The following PAX7 variants were observed in gnomAD, a reference collection of about 807,000 sequenced individuals.
PAX7 encodes the protein paired box 7.
Under a neutral mutation model 50.7 loss-of-function variants are expected in PAX7, and 18 were observed. That is an observed-to-expected ratio of 0.36 (90% confidence interval 0.25 to 0.53). The LOEUF is 0.53. Among genes scored for constraint, PAX7 ranks in the 20% least tolerant of loss-of-function variants. The pLI, the probability that PAX7 is intolerant of heterozygous loss-of-function variation, is 0.93. For missense variants in PAX7, 644 were observed against 702.9 expected, an observed-to-expected ratio of 0.92 and a Z score of 0.95; for synonymous variants, 310 against 290.4, an observed-to-expected ratio of 1.07 and a Z score of -0.69.
Position 18,746,566 on chromosome 1 carries a change from G to A in PAX7, c.*1637G>A, listed in dbSNP as rs1435895600. 4.3e-6 allele frequency: 1 copy of A among 231,328 alleles called. No individual in the cohort carries two copies. Among genetic ancestry groups the A allele is most frequent in the Non-Finnish European group, 8.6e-6 (1 of 116,890 alleles). 14.3% of individuals were successfully genotyped at this position (231,328 alleles called of 1,614,324 possible). A position where few individuals can be genotyped will look rare whatever the true frequency, so the allele number is the denominator to read the frequency against. On this transcript the variant is annotated 3_prime_UTR_variant, in exon 9 of 9. Transcript: ENST00000420770. ...CTGCTGAGTACAAAGCACTTGGGATGGGAGACACAGCACTGAATTCACAAA... is the reference window on the plus strand; with the variant it reads ...CTGCTGAGTACAAAGCACTTGGGATAGGAGACACAGCACTGAATTCACAAA...
At chr1:18,698,615 C>T (rs2089177877) in intron 5 of PAX7, among the ~76,000 whole-genome samples, 1 of 152,230 alleles carries the variant, frequency 6.6e-6, no homozygotes, top group Non-Finnish European at 1.5e-5. Flanking sequence ...TCACACCCTT[C>T]CCGCAGAGCC....
At chr1:18,677,089 T>A (rs1186715630) in intron 4 of PAX7, among the ~76,000 whole-genome samples, 1 of 152,206 alleles carries the variant, frequency 6.6e-6, no homozygotes, top group African/African-American at 2.4e-5. Context: ...GCTAGCTGAC[T>A]GTAGGTGATT....
intron 4 of PAX7, among the ~76,000 whole-genome samples, chr1:18,682,872 G>T (rs1284526758): frequency 6.6e-6 from 1 of 152,150 alleles, no homozygotes; most frequent in African/African-American, 2.4e-5. Flanking sequence ...CTGGTCTCAA[G>T]GGGAATATGC....
intron 4 of PAX7, among the ~76,000 whole-genome samples, chr1:18,681,044 G>A (rs939867830): frequency 4.0e-5 from 6 of 151,628 alleles, no homozygotes; most frequent in Admixed American, 2.0e-4. Context: ...GCACATGCCT[G>A]TAATCCCAGC....
At chr1:18,638,074 T>C (rs1384850237) in intron 4 of PAX7, among the ~76,000 whole-genome samples, 1 of 152,244 alleles carries the variant, frequency 6.6e-6, no homozygotes, top group Non-Finnish European at 1.5e-5. Context: ...TAATCTTTCC[T>C]GGACAAATAA....
At chr1:18,678,539 A>G (rs1304100008) in intron 4 of PAX7, among the ~76,000 whole-genome samples, 1 of 152,194 alleles carries the variant, frequency 6.6e-6, no homozygotes, top group Non-Finnish European at 1.5e-5. Context: ...TAAAGGCACC[A>G]TCTCTACCCT....
chr1:18,653,457 G>A (rs533759777), intron 4 of PAX7, among the ~76,000 whole-genome samples: 1 of 152,236 alleles, frequency 6.6e-6, no homozygotes, highest in Admixed American at 6.5e-5. Flanking sequence ...ACTTGGGGGA[G>A]GTGTCGCTTT....
At chr1:18,667,376 G>A (rs1274157317) in intron 4 of PAX7, among the ~76,000 whole-genome samples, 1 of 148,290 alleles carries the variant, frequency 6.7e-6, no homozygotes, top group Non-Finnish European at 1.5e-5. Flanking sequence ...AAAAAAGAAG[G>A]AGAGAAGGAA....
At chr1:18,737,482 CAT>C (rs1354490193) in intron 8 of PAX7, among the ~76,000 whole-genome samples, 1 of 152,276 alleles carries the variant, frequency 6.6e-6, no homozygotes, top group Non-Finnish European at 1.5e-5. Flanking sequence ...TGTATGTACA[CAT>C]GTGTGTATGG....
At chr1:18,669,646 G>A (rs965107195) in intron 4 of PAX7, among the ~76,000 whole-genome samples, 5 of 152,142 alleles carry the variant, frequency 3.3e-5, no homozygotes, top group Non-Finnish European at 7.3e-5. Flanking sequence ...CCGTACTGGG[G>A]GAAGCTGTCC....
At chr1:18,679,799 A>T (rs1454708100) in intron 4 of PAX7, among the ~76,000 whole-genome samples, 2 of 152,218 alleles carry the variant, frequency 1.3e-5, no homozygotes, top group Non-Finnish European at 2.9e-5. Context: ...TCATTCAGTC[A>T]GTTGTTCATT....
At position 18,742,154 on chromosome 1, in the gene PAX7, T is replaced by C. The variant is rs946435606; in HGVS notation, c.1403-2660T>C. ...CCCTCTAAGAATGAGGCTTCTTTTTTTTTTTTTTTTTTTTTTTTTTTGAGA... is the reference window on the plus strand; with the variant it reads ...CCCTCTAAGAATGAGGCTTCTTTTTCTTTTTTTTTTTTTTTTTTTTTGAGA... On this transcript the variant is annotated intron_variant, in intron 8 of 8. Transcript: ENST00000420770. Among the ~76,000 whole-genome samples, 461 of 134,818 alleles carry C rather than the reference T, an allele frequency of 3.4e-3. 21 individuals carry two copies. The highest frequency in any genetic ancestry group is 7.4e-3 in the Middle Eastern group (2 of 270). 88.4% of individuals were successfully genotyped at this position (134,818 alleles called of 152,430 possible).
chr1:18,655,939 G>A (rs190300758), intron 4 of PAX7, among the ~76,000 whole-genome samples: 2 of 152,018 alleles, frequency 1.3e-5, no homozygotes, highest in South Asian at 4.2e-4. Context: ...CATCAAAGGC[G>A]GAACAGCTTG....
intron 1 of PAX7, among the ~76,000 whole-genome samples, chr1:18,633,724 T>A (rs1029946214): frequency 6.6e-5 from 10 of 152,114 alleles, no homozygotes; most frequent in Non-Finnish European, 1.5e-4. Context: ...CCTGGGACAG[T>A]TCCACGGCTC....
intron 7 of PAX7, among the ~76,000 whole-genome samples, chr1:18,724,087 G>C (rs1186698065): frequency 6.6e-6 from 1 of 152,224 alleles, no homozygotes; most frequent in Non-Finnish European, 1.5e-5. Context: ...CGTGCTCGGT[G>C]GGCCGGCCGG....
At chr1:18,705,079 C>A (rs1418621730) in intron 7 of PAX7, among the ~76,000 whole-genome samples, 1 of 152,196 alleles carries the variant, frequency 6.6e-6, no homozygotes, top group Admixed American at 6.5e-5. Flanking sequence ...AAGGGTGATG[C>A]CACTTACTTG....
intron 7 of PAX7, among the ~76,000 whole-genome samples, chr1:18,731,105 G>A (rs980737619): frequency 7.9e-5 from 12 of 152,334 alleles, no homozygotes; most frequent in Admixed American, 7.2e-4. Flanking sequence ...AAGGTCACCA[G>A]GAAAAAAGTA....
At chr1:18,723,260 G>T (rs2236816) in intron 7 of PAX7, among the ~76,000 whole-genome samples, 21,168 of 152,100 alleles carry the variant, frequency 0.14, 1,779 homozygotes, top group East Asian at 0.3. Flanking sequence ...CTGGGGGTGG[G>T]GTGTAATATA....
At chr1:18,638,346 C>A (rs1195384660) in intron 4 of PAX7, among the ~76,000 whole-genome samples, 1 of 152,216 alleles carries the variant, frequency 6.6e-6, no homozygotes, top group African/African-American at 2.4e-5. Context: ...GTGCTCACCA[C>A]ACCAGCTAAC....
Sources: gnomAD v4.1 joint callset for allele counts (sites outside exome capture counted in the v4.1 genomes callset) on GRCh38, gnomAD v4.1.1 for gene constraint, MANE v1.5 for transcripts, NCBI Gene and HGNC (gene_info 2026-07-23, HGNC 2026-07-21) for gene names.